Variants in CRTC1 observed in about 807,000 individuals in gnomAD.
CRTC1 encodes the protein CREB-regulated transcription coactivator 1.
A neutral mutation model predicts 66.1 loss-of-function variants in CRTC1; 18 were observed. The observed-to-expected ratio is 0.27, with a 90% CI of 0.19 to 0.40. The LOEUF is 0.40. Ranked by LOEUF, CRTC1 falls within the 10% of genes least tolerant of loss-of-function variation. The pLI is 1.00. For missense variants in CRTC1, 669 were observed against 887.9 expected (o/e 0.75, Z 3.13); for synonymous variants, 416 against 398.8 (o/e 1.04, Z -0.51).
chr19:18,763,900 GC>G (rs2054670761), intron 8 of CRTC1, among the ~76,000 whole-genome samples: 1 of 152,192 alleles, frequency 6.6e-6, no homozygotes, highest in Admixed American at 6.5e-5. Flanking sequence ...TGAGGGAGTG[GC>G]CCAGGGTCGT....
At chr19:18,702,296 T>A (rs555197801) in intron 1 of CRTC1, among the ~76,000 whole-genome samples, 1 of 151,998 alleles carries the variant, frequency 6.6e-6, no homozygotes, top group East Asian at 1.9e-4. Context: ...CTTGGCTCAC[T>A]GTAGCCTCAA....
At chr19:18,705,536 C>G (rs1481535513) in intron 1 of CRTC1, among the ~76,000 whole-genome samples, 2 of 152,158 alleles carry the variant, frequency 1.3e-5, no homozygotes, top group African/African-American at 4.8e-5. Context: ...CCAGGCTGGT[C>G]TCGAACTCCT....
chr19:18,693,772 T>C (rs8102711), intron 1 of CRTC1, among the ~76,000 whole-genome samples: 3,051 of 151,878 alleles, frequency 0.02, 105 homozygotes, highest in African/African-American at 0.071. Context: ...GAGCCACCAT[T>C]CCCGGCCCGC....
chr19:18,715,130 C>T (rs1330715664), intron 1 of CRTC1, among the ~76,000 whole-genome samples: 2 of 152,276 alleles, frequency 1.3e-5, no homozygotes, highest in Non-Finnish European at 2.9e-5. Context: ...TCCCTCCTGC[C>T]TCTGGGGGCT....
chr19:18,767,233 C>T (rs999714610), intron 9 of CRTC1, among the ~76,000 whole-genome samples: 1 of 151,760 alleles, frequency 6.6e-6, no homozygotes, highest in African/African-American at 2.4e-5. Flanking sequence ...GAGTCTCACT[C>T]TGTCGCCCAG....
rs560470303 is a variant in CRTC1, at chr19:18,734,110, A to T, written c.127-8800A>T. On this transcript the variant is annotated intron_variant, in intron 1 of 13. Transcript: ENST00000321949. The stretch of plus-strand genomic sequence containing the variant: ...AGAGTGAGACTCCGTCTCAAAAAAA[A>T]AAAGTCCAGAACAGATAAATCCACA... 2.3e-3 allele frequency among the ~76,000 whole-genome samples: 349 copies of T among 152,256 alleles called. 2 individuals carry two copies. The highest frequency in any genetic ancestry group is 8.0e-3 in the African/African-American group (331 of 41,550).
chr19:18,713,343 A>T (rs1037014434), intron 1 of CRTC1, among the ~76,000 whole-genome samples: 1 of 152,216 alleles, frequency 6.6e-6, no homozygotes, highest in African/African-American at 2.4e-5. Flanking sequence ...ACAGAGCTGC[A>T]TGGACATGTG....
At chr19:18,750,791 G>A (rs2054347015) in intron 5 of CRTC1, among the ~76,000 whole-genome samples, 1 of 152,188 alleles carries the variant, frequency 6.6e-6, no homozygotes, top group Non-Finnish European at 1.5e-5. Context: ...GAGACGGGAG[G>A]GAGAAGAGAA....
chr19:18,702,928 G>A (rs939347737), intron 1 of CRTC1, among the ~76,000 whole-genome samples: 1 of 152,014 alleles, frequency 6.6e-6, no homozygotes, highest in Non-Finnish European at 1.5e-5. Context: ...GCGACGGCCG[G>A]GCTGGGACCT....
At chr19:18,719,551 C>A (rs1035560465) in intron 1 of CRTC1, among the ~76,000 whole-genome samples, 1 of 152,210 alleles carries the variant, frequency 6.6e-6, no homozygotes, top group Non-Finnish European at 1.5e-5. Flanking sequence ...TATTTTGGGC[C>A]CATGGTAATG....
At chr19:18,692,919 C>CA (rs1305036295) in intron 1 of CRTC1, among the ~76,000 whole-genome samples, 1 of 147,610 alleles carries the variant, frequency 6.8e-6, no homozygotes, top group Non-Finnish European at 1.5e-5. Context: ...ACTAAAAATA[C>CA]AAAAAATTAG....
intron 1 of CRTC1, among the ~76,000 whole-genome samples, chr19:18,710,024 C>A (rs938420890): frequency 1.3e-5 from 2 of 152,000 alleles, no homozygotes; most frequent in South Asian, 2.1e-4. Flanking sequence ...CCCGCCCCCC[C>A]ACACTTCTTT....
At chr19:18,726,685 T>C (rs1478735259) in intron 1 of CRTC1, among the ~76,000 whole-genome samples, 2 of 152,134 alleles carry the variant, frequency 1.3e-5, no homozygotes, top group Non-Finnish European at 2.9e-5. Context: ...CCCTGTACTT[T>C]GGGAGACCAA....
At chr19:18,733,159 C>T (rs1478163636) in intron 1 of CRTC1, among the ~76,000 whole-genome samples, 3 of 152,068 alleles carry the variant, frequency 2.0e-5, no homozygotes, top group African/African-American at 7.2e-5. Context: ...AACTGAGGCC[C>T]CTCCTGTCTT....
chr19:18,699,333 G>A (rs2053075633), intron 1 of CRTC1, among the ~76,000 whole-genome samples: 1 of 152,144 alleles, frequency 6.6e-6, no homozygotes, highest in African/African-American at 2.4e-5. Flanking sequence ...AGTAGTTTGT[G>A]GTCTTCCTGG....
chr19:18,729,953 T>TG (rs2053848274), intron 1 of CRTC1, among the ~76,000 whole-genome samples: 3 of 151,822 alleles, frequency 2.0e-5, no homozygotes, highest in Admixed American at 2.0e-4. Context: ...GTGATTATGG[T>TG]GGGGTCACGC....
intron 1 of CRTC1, among the ~76,000 whole-genome samples, chr19:18,706,960 A>G (rs532327270): frequency 3.3e-5 from 5 of 152,156 alleles, no homozygotes; most frequent in East Asian, 3.9e-4. Context: ...ATGATTCGCA[A>G]ATATTTTCTC....
In CRTC1 at chr19:18,693,074, CAAAA is replaced by C. The variant is rs71168762; in HGVS notation, c.126+9263_126+9266del. On this transcript the variant is annotated intron_variant, in intron 1 of 13. Transcript: ENST00000321949. ...TGGGCGACAGAGCGAGACTCCGTCT[CAAAA>C]AAAAAAAAAAAAAAAAGAAATTCAT... Among the ~76,000 whole-genome samples, 11 of 69,370 alleles carry C rather than the reference CAAAA, an allele frequency of 1.6e-4. No individual in the cohort carries two copies. In the East Asian group the frequency reaches 2.5e-3, roughly 16 times the overall value. The allele number at this position is 69,370 out of a possible 152,430, so 45.5% of individuals were successfully genotyped here.
intron 6 of CRTC1, among the ~76,000 whole-genome samples, 189 bp from the exon 7 acceptor site, chr19:18,759,362 C>T (rs544839154): frequency 1.7e-4 from 26 of 152,340 alleles, no homozygotes; most frequent in African/African-American, 6.0e-4. Context: ...GTCTGGGGCC[C>T]GCCCCTCCAC....
Sources: gnomAD v4.1 joint callset for allele counts (sites outside exome capture counted in the v4.1 genomes callset) on GRCh38, gnomAD v4.1.1 for gene constraint, MANE v1.5 for transcripts, NCBI Gene and HGNC (gene_info 2026-07-23, HGNC 2026-07-21) for gene names.